Variants in MYO9B observed in about 807,000 individuals in gnomAD.
MYO9B encodes unconventional myosin-IXb.
MYO9B carries 71 observed loss-of-function variants against 229.5 expected under a neutral mutation model. The observed-to-expected ratio is 0.31, with a 90% CI of 0.26 to 0.38. The LOEUF (loss-of-function observed/expected upper bound fraction) is 0.38, where lower values mean the gene tolerates loss of function less well. MYO9B is among the 10% of genes least tolerant of loss of function. The probability of loss-of-function intolerance (pLI) is 1.00; values close to 1 mark genes in which losing one functional copy is unlikely to be tolerated. For synonymous variants in MYO9B, 1,185 were observed against 1,235.8 expected (o/e 0.96, Z 0.86); for missense variants, 2,255 against 2,920.5 (o/e 0.77, Z 5.25).
intron 8 of MYO9B, among the ~76,000 whole-genome samples, chr19:17,160,576 C>T (rs1045168043): frequency 2.7e-5 from 4 of 148,782 alleles, no homozygotes; most frequent in African/African-American, 5.0e-5. Context: ...GGCACAATCT[C>T]AGCTCACTGC....
intron 1 of MYO9B, among the ~76,000 whole-genome samples, chr19:17,097,441 G>T (rs1173084767): frequency 6.6e-6 from 1 of 152,102 alleles, no homozygotes. Context: ...TCATGACCTG[G>T]AGGAACATAC....
intron 14 of MYO9B, among the ~76,000 whole-genome samples, chr19:17,179,233 A>C: frequency 6.6e-6 from 1 of 151,732 alleles, no homozygotes; most frequent in East Asian, 1.9e-4. Context: ...CCTGATGGGG[A>C]TGGTACCGCC....
chr19:17,088,303 T>A (rs1051851329), intron 1 of MYO9B, among the ~76,000 whole-genome samples: 1 of 152,224 alleles, frequency 6.6e-6, no homozygotes, highest in African/African-American at 2.4e-5. Context: ...TCTTTGGATT[T>A]GGGGCCCACC....
intron 2 of MYO9B, among the ~76,000 whole-genome samples, chr19:17,128,842 G>C (rs879564386): frequency 6.6e-6 from 1 of 152,258 alleles, no homozygotes; most frequent in Non-Finnish European, 1.5e-5. Context: ...TACCCAGCTA[G>C]AAGGAGAGAG....
chr19:17,140,694 G>T (rs868657566), intron 2 of MYO9B, among the ~76,000 whole-genome samples: 40 of 151,564 alleles, frequency 2.6e-4, no homozygotes, highest in Admixed American at 3.3e-4. Flanking sequence ...CTCCATATTG[G>T]TCAGGCTGGT....
chr19:17,176,587 G>A (rs1412114151), intron 14 of MYO9B, among the ~76,000 whole-genome samples: 2 of 152,186 alleles, frequency 1.3e-5, no homozygotes, highest in Non-Finnish European at 2.9e-5. Flanking sequence ...AGAATAGCAG[G>A]CCGTGGTGCA....
At chr19:17,110,808 C>T (rs2057840691) in intron 2 of MYO9B, among the ~76,000 whole-genome samples, 1 of 152,080 alleles carries the variant, frequency 6.6e-6, no homozygotes, top group Admixed American at 6.5e-5. Context: ...TGTGCCGATG[C>T]CCAGGACATT....
chr19:17,189,955 C>T (rs1163720730), intron 19 of MYO9B, among the ~76,000 whole-genome samples: 1 of 151,602 alleles, frequency 6.6e-6, no homozygotes, highest in African/African-American at 2.4e-5. Flanking sequence ...GTCCCAGCTA[C>T]TCGGGAGGCT....
chr19:17,168,751 C>T (rs1031864833), intron 11 of MYO9B, among the ~76,000 whole-genome samples: 2 of 152,080 alleles, frequency 1.3e-5, no homozygotes, highest in African/African-American at 4.8e-5. Flanking sequence ...GAGCTGTGAT[C>T]GTGTCACTGC....
intron 2 of MYO9B, among the ~76,000 whole-genome samples, chr19:17,131,852 C>T (rs534448224): frequency 1.3e-5 from 2 of 150,404 alleles, no homozygotes; most frequent in South Asian, 2.1e-4. Flanking sequence ...GTGCTTTTCA[C>T]GAGGTTTTTA....
intron 13 of MYO9B, among the ~76,000 whole-genome samples, chr19:17,173,501 G>A (rs527608063): frequency 2.4e-4 from 37 of 151,808 alleles, no homozygotes; most frequent in Non-Finnish European, 2.4e-4. Flanking sequence ...ACGGGGTTTC[G>A]CCCTGTTGGC....
At position 17,139,428 on chromosome 19, in the gene MYO9B, G is replaced by A. The variant is rs552304103; in HGVS notation, c.841-5969G>A. Among the ~76,000 whole-genome samples, 7 of 151,984 alleles carry A rather than the reference G, an allele frequency of 4.6e-5. No homozygotes were observed. In the South Asian group the frequency reaches 1.5e-3, roughly 32 times the overall value. On this transcript the variant is annotated intron_variant, in intron 2 of 39. Transcript: ENST00000682292. The stretch of plus-strand genomic sequence containing the variant: ...CACACCACCGCACTCCAGCCTGGGC[G>A]ACAGACCAAAATTCTGTCTCTAAAT...
intron 30 of MYO9B, among the ~76,000 whole-genome samples, chr19:17,203,976 CCAAGT>C (rs2073134937): frequency 6.6e-6 from 1 of 152,088 alleles, no homozygotes; most frequent in Non-Finnish European, 1.5e-5. Context: ...TTTGATATGG[CCAAGT>C]CAGTACCCAA....
chr19:17,198,531 T>C (rs576672222), intron 24 of MYO9B, among the ~76,000 whole-genome samples: 1 of 152,196 alleles, frequency 6.6e-6, no homozygotes, highest in African/African-American at 2.4e-5. Context: ...GGTCAGGAGT[T>C]GGAGACCAAC....
At position 17,206,327 on chromosome 19, in the gene MYO9B, C is replaced by T. The variant is rs751536054; in HGVS notation, c.5337C>T (p.Pro1779=). 4.3e-6 allele frequency: 7 copies of T among 1,609,432 alleles called. No individual in the cohort carries two copies. The highest frequency in any genetic ancestry group is 5.9e-6 in the Non-Finnish European group (7 of 1,179,098). ...GVLKQWLREL[P]EPLMTFAQYG... ...TGAAGCAGTGGCTGCGGGAGCTGCC[C>T]GAGCCCCTCATGACCTTCGCACAGT... The change falls in exon 33 of 40, where the codon CCC becomes CCT. Residue 1779 remains proline, a synonymous_variant. Coordinates refer to ENST00000682292, the MANE Select transcript of MYO9B (RefSeq NM_004145.4).
Position 17,107,017 on chromosome 19 carries a change from C to T in MYO9B, c.840+4460C>T, listed in dbSNP as rs141035445. The stretch of plus-strand genomic sequence containing the variant: ...GGTGGAGGTTGCAGTGAGCCAATAT[C>T]GCACCATTGCACTCCAGCCTGGGCA... On this transcript the variant is annotated intron_variant, in intron 2 of 39. Transcript: ENST00000682292. 5.9e-3 allele frequency among the ~76,000 whole-genome samples: 904 copies of T among 152,136 alleles called. 17 individuals carry two copies. Among genetic ancestry groups the T allele is most frequent in the African/African-American group, 0.021 (868 of 41,472 alleles).
intron 2 of MYO9B, among the ~76,000 whole-genome samples, chr19:17,121,087 C>T (rs183411739): frequency 1.5e-3 from 236 of 152,264 alleles, no homozygotes; most frequent in African/African-American, 9.4e-4. Flanking sequence ...GGACTACAGG[C>T]GTGCACCACC....
At chr19:17,100,058 G>T (rs1446785129) in intron 1 of MYO9B, among the ~76,000 whole-genome samples, 4 of 151,146 alleles carry the variant, frequency 2.6e-5, no homozygotes, top group African/African-American at 9.7e-5. Context: ...GGAGGTGGAG[G>T]TTGCAGTGAG....
intron 38 of MYO9B, among the ~76,000 whole-genome samples, chr19:17,211,182 C>T (rs2073224704): frequency 6.6e-6 from 1 of 151,902 alleles, no homozygotes; most frequent in Non-Finnish European, 1.5e-5. Context: ...GGTTTCACCA[C>T]ATTGGCCAGG....
Sources: gnomAD v4.1 joint callset for allele counts (sites outside exome capture counted in the v4.1 genomes callset) on GRCh38, gnomAD v4.1.1 for gene constraint, MANE v1.5 for transcripts, NCBI Gene and HGNC (gene_info 2026-07-23, HGNC 2026-07-21) for gene names.